The following WWTR1 variants were observed in gnomAD, a reference collection of about 807,000 sequenced individuals.
WWTR1 encodes WW domain containing transcription regulator 1, also known as WW domain-containing transcription regulator protein 1.
Under a neutral mutation model 40.1 loss-of-function variants are expected in WWTR1, and 13 were observed. The observed-to-expected ratio is 0.32, with a 90% CI of 0.21 to 0.52. WWTR1 has a LOEUF of 0.52. Among genes scored for constraint, WWTR1 ranks in the 20% least tolerant of loss-of-function variants. The pLI, the probability that WWTR1 is intolerant of heterozygous loss-of-function variation, is 0.97. For synonymous variants in WWTR1, 230 were observed against 210.1 expected (o/e 1.09, Z -0.82); for missense variants, 436 against 523.1 (o/e 0.83, Z 1.63).
intron 4 of WWTR1, among the ~76,000 whole-genome samples, chr3:149,720,967 G>A (rs1715745641): frequency 6.6e-6 from 1 of 152,084 alleles, no homozygotes; most frequent in Non-Finnish European, 1.5e-5. Flanking sequence ...TGTTGACTTT[G>A]TATCCTGCTA....
chr3:149,687,456 T>A (rs922277288), intron 1 of WWTR1, among the ~76,000 whole-genome samples: 2 of 152,228 alleles, frequency 1.3e-5, no homozygotes, highest in African/African-American at 2.4e-5. Context: ...AAAGATTTTT[T>A]AAAAAGTGTA....
chr3:149,622,475 AAGGAAGGAAGGAAGG>A (rs1740327811), intron 2 of WWTR1, among the ~76,000 whole-genome samples: 1 of 113,574 alleles, frequency 8.8e-6, no homozygotes. Flanking sequence ...GGAAGGAAGG[AAGGAAGGAAGGAAGG>A]AAGGAAGGAA....
At chr3:149,659,357 C>A (rs67518111), upstream of WWTR1, 54,251 of 127,188 alleles carry the variant, frequency 0.43, 11,323 homozygotes, top group East Asian at 0.54. Context: ...TTTTGAGTGA[C>A]GTCTCCCTCT....
chr3:149,675,164 G>C (rs575262702), intron 1 of WWTR1, among the ~76,000 whole-genome samples: 1 of 152,294 alleles, frequency 6.6e-6, no homozygotes, highest in Admixed American at 6.5e-5. Context: ...ACACATCAGG[G>C]AAGATGACAC....
chr3:149,648,034 C>G (rs1712635385), intron 2 of WWTR1, among the ~76,000 whole-genome samples: 1 of 152,288 alleles, frequency 6.6e-6, no homozygotes, highest in Non-Finnish European at 1.5e-5. Flanking sequence ...CCTCTCTTCC[C>G]ATCCTGTTTT....
chr3:149,558,453 C>A (rs745733689), intron 3 of WWTR1, among the ~76,000 whole-genome samples: 28 of 152,144 alleles, frequency 1.8e-4, no homozygotes, highest in Non-Finnish European at 3.2e-4. Context: ...ACCTGGTAGA[C>A]CAAAAAGCCT....
In WWTR1 at chr3:149,656,019, A is replaced by G. The variant is rs535878896; in HGVS notation, c.431+857T>C. On this transcript the variant is annotated intron_variant, in intron 2 of 6. Coordinates refer to ENST00000360632, the MANE Select transcript of WWTR1 (RefSeq NM_015472.6). ...TTGATAGCCTGACCCTATGACCTCA[A>G]TGGAACATTTCAAGTTCCAGCCTGG... Among the ~76,000 whole-genome samples the G allele has an allele frequency of 7.2e-5, 11 of 152,278 alleles. No individual in the cohort carries two copies. The South Asian group carries it at 2.1e-3, about 29-fold the overall frequency.
chr3:149,618,100 A>G (rs1576600267), intron 2 of WWTR1, among the ~76,000 whole-genome samples: 1 of 152,226 alleles, frequency 6.6e-6, no homozygotes, highest in Admixed American at 6.5e-5. Flanking sequence ...TTTAAAGGCT[A>G]CTGTCAATTT....
chr3:149,542,905 C>T (rs1024539932), intron 3 of WWTR1, among the ~76,000 whole-genome samples: 57 of 150,044 alleles, frequency 3.8e-4, no homozygotes, highest in African/African-American at 1.3e-3. Flanking sequence ...TGTGTGTGTG[C>T]ATGTGTATAC....
chr3:149,633,403 A>G (rs1442448355), intron 2 of WWTR1, among the ~76,000 whole-genome samples: 1 of 152,160 alleles, frequency 6.6e-6, no homozygotes. Context: ...AATAAAATAT[A>G]TATGCAAGTG....
At chr3:149,717,119 A>G (rs1019078351) in intron 5 of WWTR1, among the ~76,000 whole-genome samples, 2 of 152,102 alleles carry the variant, frequency 1.3e-5, no homozygotes, top group African/African-American at 4.8e-5. Context: ...GCGAGCTGAG[A>G]TTGTGCGACT....
chr3:149,607,527 G>T (rs1739543909), intron 2 of WWTR1, among the ~76,000 whole-genome samples: 1 of 152,140 alleles, frequency 6.6e-6, no homozygotes, highest in South Asian at 2.1e-4. Flanking sequence ...TGTTAGCCAG[G>T]ATGGTCTCGA....
intron 1 of WWTR1, among the ~76,000 whole-genome samples, chr3:149,694,318 C>T (rs946375629): frequency 2.0e-4 from 30 of 152,068 alleles, no homozygotes; most frequent in African/African-American, 6.0e-4. Context: ...TGCTTGAACC[C>T]GGGAGGCAGA....
At chr3:149,582,368 A>G (rs924531994) in intron 2 of WWTR1, among the ~76,000 whole-genome samples, 2 of 152,126 alleles carry the variant, frequency 1.3e-5, no homozygotes, top group Admixed American at 6.5e-5. Context: ...TGCGTTGCAA[A>G]CAATTTTATT....
intron 6 of WWTR1, among the ~76,000 whole-genome samples, chr3:149,521,813 A>C (rs903165966): frequency 1.3e-5 from 2 of 152,122 alleles, no homozygotes; most frequent in Non-Finnish European, 2.9e-5. Flanking sequence ...CATTAGATCG[A>C]GCTTTGTGGC....
chr3:149,677,354 C>T (rs548407937), intron 1 of WWTR1, among the ~76,000 whole-genome samples: 16 of 152,316 alleles, frequency 1.1e-4, no homozygotes, highest in South Asian at 1.0e-3. Flanking sequence ...AGCTCTGGCA[C>T]GTAATATTAA....
At chr3:149,532,955 T>G (rs1441418065) in intron 4 of WWTR1, among the ~76,000 whole-genome samples, 1 of 152,224 alleles carries the variant, frequency 6.6e-6, no homozygotes, top group African/African-American at 2.4e-5. Context: ...AGGGCATAAC[T>G]CAAGGCCTCT....
intron 3 of WWTR1, among the ~76,000 whole-genome samples, chr3:149,556,023 C>T (rs1736810819): frequency 6.6e-6 from 1 of 152,186 alleles, no homozygotes; most frequent in Non-Finnish European, 1.5e-5. Flanking sequence ...AAGGTGGAAA[C>T]TGTGAGCTTG....
chr3:149,597,270 C>T (rs1739038757), intron 2 of WWTR1, among the ~76,000 whole-genome samples: 1 of 151,902 alleles, frequency 6.6e-6, no homozygotes, highest in South Asian at 2.1e-4. Context: ...TCATACTCTT[C>T]CTAAAATTCT....
Sources: allele counts gnomAD v4.1 joint callset (sites outside exome capture counted in the v4.1 genomes callset), GRCh38; gene constraint gnomAD v4.1.1; transcripts MANE v1.5; gene names NCBI Gene and HGNC (gene_info 2026-07-23, HGNC 2026-07-21).